Variants in GULP1 observed in about 807,000 individuals in gnomAD.
GULP1 encodes PTB domain-containing engulfment adapter protein 1.
GULP1 carries 19 observed loss-of-function variants against 40.9 expected under a neutral mutation model. The ratio of observed to expected loss-of-function variants is 0.46; its 90% CI spans 0.32 to 0.68. The LOEUF is 0.68. Ranked by LOEUF, GULP1 falls within the 30% of genes least tolerant of loss-of-function variation. GULP1 has a pLI of 0.03. For missense variants in GULP1, 312 were observed against 362.2 expected (o/e 0.86, Z 1.12); for synonymous variants, 119 against 117.6 (o/e 1.01, Z -0.08).
intron 4 of GULP1, among the ~76,000 whole-genome samples, chr2:188,508,617 T>C (rs541982203): frequency 1.3e-5 from 2 of 151,644 alleles, no homozygotes; most frequent in African/African-American, 2.4e-5. Flanking sequence ...GTTCCTGTCT[T>C]CCCGTCTGTC....
intron 1 of GULP1, among the ~76,000 whole-genome samples, chr2:188,298,877 C>T (rs929528629): frequency 1.3e-5 from 2 of 152,080 alleles, no homozygotes; most frequent in African/African-American, 2.4e-5. Context: ...AGCACTCAGG[C>T]AAAAGTTTGC....
intron 4 of GULP1, among the ~76,000 whole-genome samples, chr2:188,484,019 G>T (rs2061650112): frequency 6.6e-6 from 1 of 152,030 alleles, no homozygotes; most frequent in South Asian, 2.1e-4. Flanking sequence ...CATCTCCTGG[G>T]TTCAAGTGAT....
At chr2:188,425,912 A>G (rs76018412) in intron 2 of GULP1, among the ~76,000 whole-genome samples, 2,174 of 152,260 alleles carry the variant, frequency 0.014, 91 homozygotes, top group East Asian at 0.14. Context: ...TTCTATTGTC[A>G]GAAATTGCCC....
At chr2:188,483,265 C>T (rs943761544) in intron 3 of GULP1, among the ~76,000 whole-genome samples, 166 bp from the exon 4 acceptor site, 4 of 151,926 alleles carry the variant, frequency 2.6e-5, no homozygotes, top group Non-Finnish European at 4.4e-5. Context: ...CCTATAATCA[C>T]GCCCCAACTA....
intron 6 of GULP1, among the ~76,000 whole-genome samples, chr2:188,540,436 ATGTG>A (rs1553593749): frequency 7.4e-5 from 11 of 149,614 alleles, no homozygotes; most frequent in African/African-American, 2.7e-4. Flanking sequence ...ATAATTTAAT[ATGTG>A]TGTGTGTGTG....
chr2:188,336,338 C>T (rs2042245727), intron 1 of GULP1, among the ~76,000 whole-genome samples: 1 of 152,154 alleles, frequency 6.6e-6, no homozygotes, highest in Admixed American at 6.5e-5. Context: ...CTCTCTTTCT[C>T]AGTCTACATG....
intron 1 of GULP1, among the ~76,000 whole-genome samples, chr2:188,366,676 C>T (rs1352930225): frequency 6.8e-6 from 1 of 147,020 alleles, no homozygotes; most frequent in Non-Finnish European, 1.5e-5. Flanking sequence ...CACTTGCAAG[C>T]TCCGCCTCCC....
rs1406297869 is a variant in GULP1, at chr2:188,595,645, A to G, written c.*1634A>G. The G allele has an allele frequency of 6.6e-6, 1 of 152,156 alleles. No homozygotes were observed. The highest frequency in any genetic ancestry group is 2.4e-5 in the African/African-American group (1 of 41,412). 9.4% of individuals were successfully genotyped at this position (152,156 alleles called of 1,614,324 possible). On this transcript the variant is annotated 3_prime_UTR_variant, in exon 12 of 12. Coordinates refer to ENST00000409830, the MANE Select transcript of GULP1 (RefSeq NM_016315.4). The stretch of plus-strand genomic sequence containing the variant: ...AGAATTTGTATTTTTATTGTACTTT[A>G]AAAAGATTTATGTAATAGGTATATA...
intron 1 of GULP1, among the ~76,000 whole-genome samples, chr2:188,343,232 C>A (rs780332664): frequency 6.6e-6 from 1 of 151,574 alleles, no homozygotes; most frequent in Non-Finnish European, 1.5e-5. Context: ...TTCTTAATAG[C>A]CTTGGAGAGG....
At chr2:188,476,114 C>T (rs1212265203) in intron 2 of GULP1, among the ~76,000 whole-genome samples, 1 of 152,012 alleles carries the variant, frequency 6.6e-6, no homozygotes, top group Non-Finnish European at 1.5e-5. Context: ...TGAAATGTTT[C>T]CAGATGATGG....
chr2:188,483,096 A>T (rs2061562525), intron 3 of GULP1, among the ~76,000 whole-genome samples: 1 of 152,070 alleles, frequency 6.6e-6, no homozygotes, highest in African/African-American at 2.4e-5. Flanking sequence ...GAGAGCATAA[A>T]GTGAAAGAAG....
chr2:188,454,773 A>G (rs984734195), intron 2 of GULP1, among the ~76,000 whole-genome samples: 1 of 152,260 alleles, frequency 6.6e-6, no homozygotes, highest in East Asian at 1.9e-4. Flanking sequence ...CATTAGGCAT[A>G]GGGACACTAA....
At chr2:188,342,251 G>A (rs1007515935) in intron 1 of GULP1, among the ~76,000 whole-genome samples, 5 of 152,076 alleles carry the variant, frequency 3.3e-5, no homozygotes, top group African/African-American at 1.2e-4. Context: ...GGTTTCTTCT[G>A]GAGGCTCTGA....
chr2:188,574,498 C>T (rs1339600579), intron 9 of GULP1, among the ~76,000 whole-genome samples: 1 of 152,020 alleles, frequency 6.6e-6, no homozygotes, highest in Non-Finnish European at 1.5e-5. Context: ...ATGGTGCATG[C>T]CTGTAGTCTC....
chr2:188,590,425 CAT>C (rs1240740347), intron 11 of GULP1: 1 of 152,144 alleles, frequency 6.6e-6, no homozygotes, highest in Non-Finnish European at 1.5e-5. Flanking sequence ...CTTTGCATAT[CAT>C]ATAAAAACTT....
rs541077944 is a variant in GULP1, at chr2:188,306,069, T to G, written c.-172+13903T>G. 2.0e-5 allele frequency among the ~76,000 whole-genome samples: 3 copies of G among 152,284 alleles called. No individual in the cohort carries two copies. In the South Asian group the frequency reaches 6.2e-4, roughly 32 times the overall value. Reference sequence around the variant, plus strand: ...CTGGGATTATAGGTGTGAGCCACCGTGCCTGGCCTGATTTCTTCTTAATCC... The same window carrying G: ...CTGGGATTATAGGTGTGAGCCACCGGGCCTGGCCTGATTTCTTCTTAATCC... On this transcript the variant is annotated intron_variant, in intron 1 of 11. Transcript: ENST00000409830.
At chr2:188,330,661 T>C (rs964786975) in intron 1 of GULP1, among the ~76,000 whole-genome samples, 1 of 152,224 alleles carries the variant, frequency 6.6e-6, no homozygotes, top group African/African-American at 2.4e-5. Context: ...AAGAAATCTT[T>C]ATTACCAAAA....
chr2:188,352,930 T>C (rs953977114), intron 1 of GULP1, among the ~76,000 whole-genome samples: 1 of 152,210 alleles, frequency 6.6e-6, no homozygotes, highest in Non-Finnish European at 1.5e-5. Context: ...AACATATTTA[T>C]ATATTTATAA....
chr2:188,403,147 A>G (rs1247732977), intron 2 of GULP1, among the ~76,000 whole-genome samples: 1 of 152,134 alleles, frequency 6.6e-6, no homozygotes, highest in East Asian at 1.9e-4. Context: ...TGCTAGACAT[A>G]TTACATATTT....
Sources: gnomAD v4.1 joint callset for allele counts (sites outside exome capture counted in the v4.1 genomes callset) on GRCh38, gnomAD v4.1.1 for gene constraint, MANE v1.5 for transcripts, NCBI Gene and HGNC (gene_info 2026-07-23, HGNC 2026-07-21) for gene names.